The following UFD1 variants were observed in gnomAD, a reference collection of about 807,000 sequenced individuals.
The protein encoded by UFD1 is ubiquitin recognition factor in ER associated degradation 1.
In UFD1, 13 loss-of-function variants were observed where a neutral mutation model predicts 45.9. That is an observed-to-expected ratio of 0.28 (90% confidence interval 0.18 to 0.45). The LOEUF (loss-of-function observed/expected upper bound fraction) is 0.45, where lower values mean the gene tolerates loss of function less well. Ranked by LOEUF, UFD1 falls within the 20% of genes least tolerant of loss-of-function variation. The pLI is 1.00. For missense variants in UFD1, 218 were observed against 389.2 expected (o/e 0.56, Z 3.70); for synonymous variants, 128 against 139.2 (o/e 0.92, Z 0.56).
At chr22:19,461,998 G>C (rs1224614308) in intron 6 of UFD1, among the ~76,000 whole-genome samples, 1 of 151,904 alleles carries the variant, frequency 6.6e-6, no homozygotes, top group Non-Finnish European at 1.5e-5. Context: ...GACTTTTCAG[G>C]GTTTGCTTTT....
chr22:19,454,420 G>T, intron 11 of UFD1: 3 of 753,044 alleles, frequency 4.0e-6, no homozygotes, highest in Non-Finnish European at 5.1e-6. Context: ...GGTCTTTTCC[G>T]TGCTGTTATC....
intron 11 of UFD1, 199 bp from the exon 12 acceptor site, chr22:19,450,943 C>A: frequency 7.7e-7 from 1 of 1,294,346 alleles, no homozygotes; most frequent in Non-Finnish European, 1.0e-6. Context: ...CAAGACCAGC[C>A]TGGGCAACAT....
chr22:19,458,476 C>G (rs980123767), intron 6 of UFD1, among the ~76,000 whole-genome samples: 1 of 152,198 alleles, frequency 6.6e-6, no homozygotes, highest in Admixed American at 6.5e-5. Context: ...CAGAATCTCG[C>G]TCTATCGCCC....
chr22:19,458,229 G>C, intron 6 of UFD1, 90 bp from the exon 7 acceptor site: 2 of 1,377,366 alleles, frequency 1.5e-6, no homozygotes, highest in Non-Finnish European at 2.1e-6. Context: ...ACTGGCTCCT[G>C]CGAATGACAC....
chr22:19,477,635 T>C (rs1359309016), intron 1 of UFD1, among the ~76,000 whole-genome samples: 1 of 152,164 alleles, frequency 6.6e-6, no homozygotes, highest in Non-Finnish European at 1.5e-5. Flanking sequence ...CTCAACACTA[T>C]TGAACTATAG....
At position 19,456,865 on chromosome 22, in the gene UFD1, A is replaced by G. The variant is rs1309947070; in HGVS notation, c.618T>C (p.His206=). 4 of 1,613,528 alleles carry G rather than the reference A, an allele frequency of 2.5e-6. No individual in the cohort carries two copies. ...GGATAACACTTACTGTCGACTCCTCATGCTGGACTTGTCTTTCGGGTTCTT... is the reference window on the plus strand; with the variant it reads ...GGATAACACTTACTGTCGACTCCTCGTGCTGGACTTGTCTTTCGGGTTCTT... ...GYKEPERQVQ[H]EESTEGEADH... is the part of the protein sequence containing the mutation. The change falls in exon 8 of 12, where the codon CAT becomes CAC. Residue 206 remains histidine, a synonymous_variant. Coordinates refer to ENST00000263202, the MANE Select transcript of UFD1 (RefSeq NM_005659.7).
At chr22:19,453,028 A>C (rs1295387816) in intron 11 of UFD1, 11 of 983,970 alleles carry the variant, frequency 1.1e-5, no homozygotes, top group East Asian at 1.1e-4. Flanking sequence ...TCTTCCCACA[A>C]ATCCTCTATT....
rs550730055 is a variant in UFD1 at position 19,453,671 on chromosome 22, C to T, written c.849+1078G>A. On this transcript the variant is annotated intron_variant, in intron 11 of 11. Coordinates refer to ENST00000263202, the MANE Select transcript of UFD1 (RefSeq NM_005659.7). ...CCTCTGAGCCTGAAAGGTCCCAATG[C>T]CCAATGCTGTTTCAACTTGAACATT... 1.6e-5 allele frequency: 16 copies of T among 985,544 alleles called. No homozygotes were observed. The South Asian group carries it at 6.1e-4, about 38-fold the overall frequency. 61.0% of individuals were successfully genotyped at this position (985,544 alleles called of 1,614,324 possible).
chr22:19,459,929 G>A (rs937273321), intron 6 of UFD1, among the ~76,000 whole-genome samples: 1 of 151,544 alleles, frequency 6.6e-6, no homozygotes, highest in Non-Finnish European at 1.5e-5. Flanking sequence ...AGTAGAGATG[G>A]TGTTTCACTA....
At chr22:19,465,074 C>T in intron 6 of UFD1, 128 bp downstream of exon 6, 1 of 858,558 alleles carries the variant, frequency 1.2e-6, no homozygotes, top group South Asian at 1.6e-5. Flanking sequence ...ACTTAATAAC[C>T]AAACAGTAGG....
chr22:19,451,443 C>T (rs1165675394), intron 11 of UFD1: 3 of 985,206 alleles, frequency 3.0e-6, no homozygotes, highest in Non-Finnish European at 3.6e-6. Context: ...CATATAGAGA[C>T]CAACCAGCCC....
chr22:19,464,838 C>T (rs1212866696), intron 6 of UFD1, among the ~76,000 whole-genome samples: 1 of 152,238 alleles, frequency 6.6e-6, no homozygotes, highest in Non-Finnish European at 1.5e-5. Flanking sequence ...ATCCCAAGGA[C>T]AAGGACCCAG....
At chr22:19,456,767 C>T (rs1201135230) in intron 8 of UFD1, 86 bp downstream of exon 8, 4 of 1,613,608 alleles carry the variant, frequency 2.5e-6, no homozygotes, top group African/African-American at 2.7e-5. Flanking sequence ...TACACCAACA[C>T]TAGCAGAGGC....
rs952456676 is a variant in UFD1 at position 19,451,502 on chromosome 22, GT to G, written c.850-759del. On this transcript the variant is annotated intron_variant, in intron 11 of 11. Transcript: ENST00000263202. ...CCTTCCATCAGCAGAAAGAGGGATTGTTTTTTCCCAAACCTTTGAAAACTGC... is the reference window on the plus strand; with the variant it reads ...CCTTCCATCAGCAGAAAGAGGGATTGTTTTTCCCAAACCTTTGAAAACTGC... The G allele has an allele frequency of 7.1e-6, 7 of 985,248 alleles. No homozygotes were observed. In the African/African-American group the frequency reaches 1.2e-4, roughly 17 times the overall value. The allele number at this position is 985,248 out of a possible 1,614,324, so 61.0% of individuals were successfully genotyped here. A position where few individuals can be genotyped will look rare whatever the true frequency, so the allele number is the denominator to read the frequency against.
At chr22:19,454,955 C>T (rs1189508197) in intron 10 of UFD1, 125 bp from the exon 11 acceptor site, 2 of 1,088,384 alleles carry the variant, frequency 1.8e-6, no homozygotes, top group Non-Finnish European at 2.6e-6. Flanking sequence ...TTTGGTGCTT[C>T]CTGGCATCCT....
At chr22:19,456,436 T>G in intron 9 of UFD1, 151 bp downstream of exon 9, 4 of 1,005,284 alleles carry the variant, frequency 4.0e-6, no homozygotes, top group Non-Finnish European at 6.1e-6. Flanking sequence ...GTTTGGTAAC[T>G]GAGCGAGTGG....
chr22:19,468,253 C>T (rs1400744988), intron 4 of UFD1, among the ~76,000 whole-genome samples: 5 of 152,192 alleles, frequency 3.3e-5, no homozygotes, highest in Non-Finnish European at 7.4e-5. Flanking sequence ...CAGGGCTGCC[C>T]GGATTACTCA....
chr22:19,471,405 G>A (rs760685444), intron 4 of UFD1: 8 of 684,218 alleles, frequency 1.2e-5, no homozygotes, highest in Admixed American at 3.5e-5. Flanking sequence ...TTTTAAAAAC[G>A]CCTCACCCAG....
Position 19,454,559 on chromosome 22 carries a change from C to T in UFD1, c.849+190G>A. On this transcript the variant is annotated intron_variant, in intron 11 of 11. Coordinates refer to ENST00000263202, the MANE Select transcript of UFD1 (RefSeq NM_005659.7). ...CCCCCTGCCATGATTGTGAGGCCTC[C>T]CCAGCCATGTGAACTGTAAGTCCAT... 3 of 1,278,872 alleles carry T rather than the reference C, an allele frequency of 2.3e-6. No homozygotes were observed. In the South Asian group the frequency reaches 4.6e-5, roughly 20 times the overall value. The allele number at this position is 1,278,872 out of a possible 1,614,324, so 79.2% of individuals were successfully genotyped here. A position where few individuals can be genotyped will look rare whatever the true frequency, so the allele number is the denominator to read the frequency against.
Sources: allele counts gnomAD v4.1 joint callset (sites outside exome capture counted in the v4.1 genomes callset), GRCh38; gene constraint gnomAD v4.1.1; transcripts MANE v1.5; gene names NCBI Gene and HGNC (gene_info 2026-07-23, HGNC 2026-07-21).